The following FOXO3 variants were observed in gnomAD, a reference collection of about 807,000 sequenced individuals.
FOXO3 encodes the protein forkhead box O3.
In FOXO3, 4 loss-of-function variants were observed where a neutral mutation model predicts 41.9. The ratio of observed to expected loss-of-function variants is 0.10; its 90% confidence interval spans 0.05 to 0.22. The LOEUF (loss-of-function observed/expected upper bound fraction) is 0.22. Ranked by LOEUF, FOXO3 falls within the 10% of genes least tolerant of loss-of-function variation. The pLI, the probability that FOXO3 is intolerant of heterozygous loss-of-function variation, is 1.00. For synonymous variants in FOXO3, 318 were observed against 389.3 expected, an observed-to-expected ratio of 0.82 and a Z score of 2.16; for missense variants, 534 against 906.8, an observed-to-expected ratio of 0.59 and a Z score of 5.28.
intron 1 of FOXO3, among the ~76,000 whole-genome samples, chr6:108,611,215 G>A (rs902158348): frequency 1.3e-5 from 2 of 152,144 alleles, no homozygotes; most frequent in African/African-American, 4.8e-5. Flanking sequence ...TGCCATTGTT[G>A]TATGGATATT....
chr6:108,590,028 A>G (rs770829655), intron 1 of FOXO3, among the ~76,000 whole-genome samples: 7 of 152,220 alleles, frequency 4.6e-5, no homozygotes, highest in African/African-American at 9.6e-5. Flanking sequence ...GTTCAGTGCA[A>G]TGTCTTAATA....
intron 1 of FOXO3, among the ~76,000 whole-genome samples, chr6:108,606,034 G>A (rs1289457869): frequency 6.6e-6 from 1 of 152,186 alleles, no homozygotes; most frequent in Non-Finnish European, 1.5e-5. Flanking sequence ...AGAGTTACAA[G>A]TAAATTAAAA....
chr6:108,560,241 G>A (rs1304678220), upstream of FOXO3, among the ~76,000 whole-genome samples: 3 of 152,184 alleles, frequency 2.0e-5, no homozygotes, highest in Non-Finnish European at 4.4e-5. Context: ...CTAGCAGCCC[G>A]GGAGACTTGG....
intron 2 of FOXO3, among the ~76,000 whole-genome samples, chr6:108,671,644 A>G (rs1470001762): frequency 6.6e-6 from 1 of 152,194 alleles, no homozygotes; most frequent in African/African-American, 2.4e-5. Context: ...GTTTATTGTG[A>G]TTTAAAACAG....
chr6:108,640,383 G>C (rs1249580219), intron 1 of FOXO3, among the ~76,000 whole-genome samples: 4 of 152,198 alleles, frequency 2.6e-5, no homozygotes, highest in Admixed American at 6.5e-5. Flanking sequence ...CCCCCATGTA[G>C]TTTACTAACG....
chr6:108,667,592 G>A (rs1217476237), intron 2 of FOXO3, among the ~76,000 whole-genome samples: 2 of 152,164 alleles, frequency 1.3e-5, no homozygotes, highest in African/African-American at 2.4e-5. Context: ...CTAAAGGATT[G>A]TACAGAAAAT....
At chr6:108,679,393 C>G (rs950933170) in intron 2 of FOXO3, among the ~76,000 whole-genome samples, 2 of 152,144 alleles carry the variant, frequency 1.3e-5, no homozygotes, top group Non-Finnish European at 2.9e-5. Flanking sequence ...AAAAGTATAA[C>G]TCATCTACTT....
At chr6:108,629,148 A>G (rs1243468412) in intron 1 of FOXO3, among the ~76,000 whole-genome samples, 1 of 152,172 alleles carries the variant, frequency 6.6e-6, no homozygotes, top group Non-Finnish European at 1.5e-5. Context: ...TAAATTTAAA[A>G]TGATCTGTTA....
At chr6:108,635,711 C>T (rs1413106642) in intron 1 of FOXO3, among the ~76,000 whole-genome samples, 1 of 152,094 alleles carries the variant, frequency 6.6e-6, no homozygotes, top group Non-Finnish European at 1.5e-5. Context: ...GCCACTTGTA[C>T]AGTTGCATAA....
chr6:108,684,282 T>TA lies in FOXO3; in HGVS notation c.*4497dup, dbSNP rs960456224. 1 of 152,514 alleles carries TA rather than the reference T, an allele frequency of 6.6e-6. No homozygotes were observed. Among genetic ancestry groups the TA allele is most frequent in the Non-Finnish European group, 1.5e-5 (1 of 68,014 alleles). 9.4% of individuals were successfully genotyped at this position (152,514 alleles called of 1,614,324 possible). The stretch of plus-strand genomic sequence containing the variant: ...AGGACCAGAAAAATTAGTTAATATT[T>TA]AAAAAAATGTATTGTGCATTTTGGC... On this transcript the variant is annotated 3_prime_UTR_variant, in exon 3 of 3. Coordinates refer to ENST00000406360, the MANE Select transcript of FOXO3 (RefSeq NM_001455.4).
intron 2 of FOXO3, among the ~76,000 whole-genome samples, chr6:108,672,320 A>G (rs75035728): frequency 0.014 from 2,206 of 152,318 alleles, 59 homozygotes; most frequent in African/African-American, 0.051. Context: ...GAGGTTCAGA[A>G]AAGACAGTCA....
At position 108,604,511 on chromosome 6, in the gene FOXO3, T is replaced by C. The variant is rs530436961; in HGVS notation, c.621+42682T>C. Among the ~76,000 whole-genome samples the C allele has an allele frequency of 2.0e-5, 3 of 152,334 alleles. No homozygotes were observed. In the South Asian group the frequency reaches 6.2e-4, roughly 32 times the overall value. ...AAATGTTATATGACTTATTAGTATG[T>C]AATATTACTTCTGACACTGACATTT... On this transcript the variant is annotated intron_variant, in intron 1 of 2. Coordinates refer to ENST00000406360, the MANE Select transcript of FOXO3 (RefSeq NM_001455.4).
At chr6:108,632,203 G>T (rs527545500) in intron 1 of FOXO3, among the ~76,000 whole-genome samples, 3 of 152,272 alleles carry the variant, frequency 2.0e-5, no homozygotes, top group African/African-American at 7.2e-5. Context: ...GGTGCTAGGC[G>T]CTATGGGGTC....
At chr6:108,665,763 C>T (rs1430154657) in intron 2 of FOXO3, among the ~76,000 whole-genome samples, 1 of 145,184 alleles carries the variant, frequency 6.9e-6, no homozygotes, top group South Asian at 2.2e-4. Flanking sequence ...GAGTCATGAT[C>T]GTGCCACTGC....
intron 1 of FOXO3, among the ~76,000 whole-genome samples, chr6:108,596,741 G>A (rs1162234679): frequency 2.0e-5 from 3 of 152,246 alleles, no homozygotes; most frequent in Admixed American, 2.0e-4. Flanking sequence ...AAAGGATCTG[G>A]AAAATACTTA....
rs765168890 is a variant in FOXO3, at chr6:108,663,970, T to C, written c.1137T>C (p.Asn379=). 23 of 1,614,072 alleles carry C rather than the reference T, an allele frequency of 1.4e-5. No individual in the cohort carries two copies. The highest frequency in any genetic ancestry group is 1.8e-5 in the Non-Finnish European group (21 of 1,180,040). The part of the protein sequence containing the change: ...LTDMAGTMNL[N]DGLTENLMDD... Reference sequence around the variant, plus strand: ...ATATGGCAGGCACCATGAATCTGAATGATGGGCTGACTGAAAACCTCATGG... The same window carrying C: ...ATATGGCAGGCACCATGAATCTGAACGATGGGCTGACTGAAAACCTCATGG... The change falls in exon 2 of 3, where the codon AAT becomes AAC. Residue 379 remains asparagine (N), a synonymous_variant. Transcript: ENST00000406360.
intron 1 of FOXO3, among the ~76,000 whole-genome samples, chr6:108,644,333 A>G (rs753629151): frequency 6.6e-6 from 1 of 152,204 alleles, no homozygotes; most frequent in Non-Finnish European, 1.5e-5. Context: ...CCTCATATGC[A>G]CTTAATAAAT....
intron 1 of FOXO3, among the ~76,000 whole-genome samples, chr6:108,595,406 C>T (rs1582758731): frequency 6.6e-6 from 1 of 152,330 alleles, no homozygotes; most frequent in East Asian, 1.9e-4. Context: ...ATATTGAATT[C>T]ATTTCCCAAG....
chr6:108,616,908 C>CT (rs1427424358), intron 1 of FOXO3, among the ~76,000 whole-genome samples: 1 of 152,164 alleles, frequency 6.6e-6, no homozygotes, highest in African/African-American at 2.4e-5. Context: ...TGAGTGCCTT[C>CT]TTTCACTTAG....
Sources: gnomAD v4.1 joint callset for allele counts (sites outside exome capture counted in the v4.1 genomes callset) on GRCh38, gnomAD v4.1.1 for gene constraint, MANE v1.5 for transcripts, NCBI Gene and HGNC (gene_info 2026-07-23, HGNC 2026-07-21) for gene names.